ZC3HAV1: variants seen among roughly 807,000 people sequenced by gnomAD.
ZC3HAV1 encodes zinc finger CCCH-type containing, antiviral 1, also known as zinc finger CCCH-type antiviral protein 1.
In ZC3HAV1, 41 loss-of-function variants were observed where a neutral mutation model predicts 86.6. That is an observed-to-expected ratio of 0.47 (90% CI 0.37 to 0.61). ZC3HAV1 has a LOEUF of 0.61. Ranked by LOEUF, ZC3HAV1 falls within the 20% of genes least tolerant of loss-of-function variation. The pLI is 0.00. For missense variants in ZC3HAV1, 964 were observed against 1,141.1 expected (o/e 0.84, Z 2.24); for synonymous variants, 421 against 432.1 (o/e 0.97, Z 0.32).
At chr7:139,098,182 C>T (rs566881322) in intron 1 of ZC3HAV1, among the ~76,000 whole-genome samples, 19 of 152,140 alleles carry the variant, frequency 1.2e-4, no homozygotes, top group East Asian at 5.8e-4. Flanking sequence ...TCAAGTGAGC[C>T]GCCTGCCTTG....
intron 1 of ZC3HAV1, among the ~76,000 whole-genome samples, chr7:139,097,376 T>C (rs1817619236): frequency 7.5e-6 from 1 of 133,246 alleles, no homozygotes; most frequent in South Asian, 2.5e-4. Flanking sequence ...CAATCCATCA[T>C]GGATGGAAAC....
At chr7:139,075,155 T>C (rs937301902) in intron 6 of ZC3HAV1, among the ~76,000 whole-genome samples, 7 of 152,262 alleles carry the variant, frequency 4.6e-5, no homozygotes, top group Non-Finnish European at 8.8e-5. Context: ...ACGTCAGTAG[T>C]GCTGAGGTTG....
intron 10 of ZC3HAV1, 100 bp downstream of exon 10, chr7:139,055,105 C>A (rs1816244855): frequency 9.4e-7 from 1 of 1,067,160 alleles, no homozygotes; most frequent in East Asian, 2.6e-5. Context: ...AAGAGTTTTG[C>A]GGGAGCAATT....
At position 139,079,630 on chromosome 7, in the gene ZC3HAV1, T is replaced by C; in HGVS notation, c.1311A>G (p.Thr437=). The C allele has an allele frequency of 6.2e-7, 1 of 1,614,174 alleles. No individual in the cohort carries two copies. The highest frequency in any genetic ancestry group is 8.5e-7 in the Non-Finnish European group (1 of 1,180,044). ...LFNNNADGVA[T]DITSTRSLNY... ...TTAAGGATCTGGTAGAAGTTATATC[T>C]GTGGCCACTCCATCAGCATTATTAT... The change falls in exon 4 of 13, where the codon ACA becomes ACG. Residue 437 remains threonine (T), a synonymous_variant. Transcript: ENST00000242351.
intron 1 of ZC3HAV1, among the ~76,000 whole-genome samples, chr7:139,105,921 A>T (rs1410954332): frequency 6.6e-6 from 1 of 152,220 alleles, no homozygotes; most frequent in Non-Finnish European, 1.5e-5. Flanking sequence ...GGACAAAAAA[A>T]AAATTCTCCC....
chr7:139,057,632 G>T (rs1256874862), intron 9 of ZC3HAV1, among the ~76,000 whole-genome samples: 1 of 26,246 alleles, frequency 3.8e-5, no homozygotes, highest in Non-Finnish European at 6.8e-5. Flanking sequence ...TCCGCCTCCC[G>T]GGTTCACGCC....
At chr7:139,085,480 G>C (rs1208700083) in intron 2 of ZC3HAV1, among the ~76,000 whole-genome samples, 3 of 152,220 alleles carry the variant, frequency 2.0e-5, no homozygotes, top group African/African-American at 7.2e-5. Context: ...TTAGGGCTGA[G>C]TGTGTGGCTT....
intron 1 of ZC3HAV1, among the ~76,000 whole-genome samples, chr7:139,102,408 A>C (rs540445655): frequency 2.6e-5 from 4 of 152,268 alleles, no homozygotes; most frequent in Non-Finnish European, 5.9e-5. Context: ...GGGATTACAG[A>C]TATTAGCTAC....
Position 139,109,569 on chromosome 7 carries a change from G to T in ZC3HAV1, c.-238C>A. On this transcript the variant is annotated 5_prime_UTR_variant, in exon 1 of 13. Coordinates refer to ENST00000242351, the MANE Select transcript of ZC3HAV1 (RefSeq NM_020119.4). Reference sequence around the variant, plus strand: ...CCTAGTGGCAGGTTTACAGCCGGCCGCAAGGGCAACTGGGTGGAAAGAAAG... The same window carrying T: ...CCTAGTGGCAGGTTTACAGCCGGCCTCAAGGGCAACTGGGTGGAAAGAAAG... The T allele has an allele frequency of 2.1e-6, 1 of 476,422 alleles. No individual in the cohort carries two copies. Among genetic ancestry groups the T allele is most frequent in the Non-Finnish European group, 3.6e-6 (1 of 276,338 alleles). 29.5% of individuals were successfully genotyped at this position (476,422 alleles called of 1,614,324 possible).
chr7:139,089,357 G>A (rs772127577), intron 2 of ZC3HAV1, among the ~76,000 whole-genome samples: 8 of 152,122 alleles, frequency 5.3e-5, no homozygotes, highest in Non-Finnish European at 1.0e-4. Flanking sequence ...CAAGTAGTCT[G>A]ACTACTATCA....
At chr7:139,099,658 C>T (rs1817694943) in intron 1 of ZC3HAV1, among the ~76,000 whole-genome samples, 1 of 152,194 alleles carries the variant, frequency 6.6e-6, no homozygotes, top group African/African-American at 2.4e-5. Context: ...TGCCACTGAA[C>T]TGTACACTTT....
At chr7:139,090,324 C>A (rs372711952) in intron 1 of ZC3HAV1, among the ~76,000 whole-genome samples, 93 of 152,232 alleles carry the variant, frequency 6.1e-4, no homozygotes, top group African/African-American at 2.0e-3. Flanking sequence ...CTATTCTTTT[C>A]TTTGATCCTC....
At chr7:139,049,823 G>C (rs540637171) in intron 12 of ZC3HAV1, 1 of 152,928 alleles carries the variant, frequency 6.5e-6, no homozygotes, top group Non-Finnish European at 1.5e-5. Flanking sequence ...CCCTCGTAAC[G>C]TTGGAATGGT....
chr7:139,092,836 C>T (rs554750803), intron 1 of ZC3HAV1, among the ~76,000 whole-genome samples: 1 of 152,210 alleles, frequency 6.6e-6, no homozygotes, highest in East Asian at 1.9e-4. Flanking sequence ...CTGTGATTCT[C>T]ACCCTGAACC....
chr7:139,074,560 A>G (rs1008490858), intron 6 of ZC3HAV1, among the ~76,000 whole-genome samples: 2 of 152,118 alleles, frequency 1.3e-5, no homozygotes, highest in Non-Finnish European at 2.9e-5. Flanking sequence ...ATGAGAATCT[A>G]GTTATCTTCT....
At chr7:139,058,775 A>G (rs899414235) in intron 9 of ZC3HAV1, among the ~76,000 whole-genome samples, 4 of 152,160 alleles carry the variant, frequency 2.6e-5, no homozygotes, top group Non-Finnish European at 4.4e-5. Flanking sequence ...ACTCTGACAT[A>G]TGGAAGTTCT....
At chr7:139,082,143 T>C (rs1454396811) in intron 3 of ZC3HAV1, among the ~76,000 whole-genome samples, 1 of 152,056 alleles carries the variant, frequency 6.6e-6, no homozygotes, top group African/African-American at 2.4e-5. Flanking sequence ...CAGGCACCTG[T>C]AATCCCAGCT....
intron 12 of ZC3HAV1, among the ~76,000 whole-genome samples, chr7:139,049,125 C>CTTTTTTTTTTTTTTTTTTTTTT (rs754435812): frequency 8.0e-6 from 1 of 125,432 alleles, no homozygotes; most frequent in Non-Finnish European, 1.6e-5. Flanking sequence ...TCTCTCTCTC[C>CTTTTTTTTTTTTTTTTTTTTTT]TTTTTTTTTT....
chr7:139,092,161 G>T (rs999717786), intron 1 of ZC3HAV1, among the ~76,000 whole-genome samples: 2 of 152,214 alleles, frequency 1.3e-5, no homozygotes, highest in African/African-American at 4.8e-5. Context: ...GGGACTTTGG[G>T]CGTTATCAAT....
Sources: gnomAD v4.1 joint callset for allele counts (sites outside exome capture counted in the v4.1 genomes callset) on GRCh38, gnomAD v4.1.1 for gene constraint, MANE v1.5 for transcripts, NCBI Gene and HGNC (gene_info 2026-07-23, HGNC 2026-07-21) for gene names.